MED15: variants seen among roughly 807,000 people sequenced by gnomAD.
MED15 encodes the protein mediator of RNA polymerase II transcription subunit 15.
MED15 carries 41 observed loss-of-function variants against 118.7 expected under a neutral mutation model. The ratio of observed to expected loss-of-function variants is 0.35; its 90% CI spans 0.27 to 0.45. The LOEUF (loss-of-function observed/expected upper bound fraction) is 0.45. Ranked by LOEUF, MED15 falls within the 20% of genes least tolerant of loss-of-function variation. MED15 has a pLI of 1.00. For missense variants in MED15, 740 were observed against 1,025.5 expected (o/e 0.72, Z 3.80); for synonymous variants, 436 against 413.9 (o/e 1.05, Z -0.65).
intron 6 of MED15, among the ~76,000 whole-genome samples, chr22:20,564,905 C>T (rs1387933863): frequency 6.6e-6 from 1 of 152,166 alleles, no homozygotes; most frequent in Non-Finnish European, 1.5e-5. Context: ...CCAAGGCAGG[C>T]GGATCATCAG....
chr22:20,518,912 G>A (rs1200891258), intron 1 of MED15: 1 of 452,130 alleles, frequency 2.2e-6, no homozygotes, highest in Non-Finnish European at 4.4e-6. Context: ...AAGTGCAGTG[G>A]CGTGATTGTG....
intron 14 of MED15, 67 bp downstream of exon 14, chr22:20,584,492 G>C (rs2057076987): frequency 6.4e-7 from 1 of 1,550,536 alleles, no homozygotes; most frequent in Admixed American, 1.7e-5. Flanking sequence ...GAGTGCTGCT[G>C]AGAGGGCCTT....
intron 5 of MED15, among the ~76,000 whole-genome samples, chr22:20,562,845 C>T (rs1357530374): frequency 6.6e-6 from 1 of 152,004 alleles, no homozygotes; most frequent in East Asian, 1.9e-4. Context: ...TGAGATCAGC[C>T]TGGGCAACAA....
In MED15 at chr22:20,583,246, A is replaced by T; in HGVS notation, c.1671A>T (p.Glu557Asp). The T allele has an allele frequency of 6.2e-7, 1 of 1,611,688 alleles. No individual in the cohort carries two copies. The highest frequency in any genetic ancestry group is 8.5e-7 in the Non-Finnish European group (1 of 1,178,416). ...RRMINKIDKNEDRKKDLSKMK... is the reference protein window; with the variant it reads ...RRMINKIDKNDDRKKDLSKMK... Reference sequence around the variant, plus strand: ...TGATCAACAAGATCGACAAGAACGAAGGTAGGCTGCAGCCAGGGCAGGGGC... The same window carrying T: ...TGATCAACAAGATCGACAAGAACGATGGTAGGCTGCAGCCAGGGCAGGGGC... The change falls in exon 12 of 18, where the codon GAA (glutamate) becomes GAT (aspartate). Residue 557 changes from glutamate (E) to aspartate (D), a missense_variant and splice_region_variant. Physicochemically the swap from Glu to Asp is conservative, Grantham distance 45 (BLOSUM62 2). Transcript: ENST00000263205.
At chr22:20,560,137 A>G (rs2056176194) in intron 5 of MED15, among the ~76,000 whole-genome samples, 1 of 152,198 alleles carries the variant, frequency 6.6e-6, no homozygotes, top group Non-Finnish European at 1.5e-5. Flanking sequence ...CATCTGGGTC[A>G]AGTGTCAGTA....
In MED15 at chr22:20,575,109, A is replaced by T. The variant is rs1270731117; in HGVS notation, c.1153-4A>T. The T allele has an allele frequency of 6.2e-7, 1 of 1,613,696 alleles. No individual in the cohort carries two copies. The highest frequency in any genetic ancestry group is 1.3e-5 in the African/African-American group (1 of 74,950). On this transcript the variant is annotated splice_region_variant and splice_polypyrimidine_tract_variant and intron_variant, in intron 8 of 17. Transcript: ENST00000263205. ...CCTTGTCTGTTGTCCCTCTGTCCTC[A>T]AAGATGATCACGGAAGCCTTGGCCC...
At chr22:20,511,855 T>C (rs2054075857) in intron 1 of MED15, among the ~76,000 whole-genome samples, 3 of 152,106 alleles carry the variant, frequency 2.0e-5, no homozygotes, top group Non-Finnish European at 2.9e-5. Flanking sequence ...TCAGTGACTT[T>C]TCTTAGCATT....
At chr22:20,523,209 G>C (rs1182175320) in intron 1 of MED15, among the ~76,000 whole-genome samples, 1 of 152,086 alleles carries the variant, frequency 6.6e-6, no homozygotes, top group Non-Finnish European at 1.5e-5. Context: ...TCAGTTTTGA[G>C]TTATAGGTTT....
intron 3 of MED15, among the ~76,000 whole-genome samples, chr22:20,552,248 G>A (rs1470015649): frequency 6.6e-6 from 1 of 152,224 alleles, no homozygotes; most frequent in Admixed American, 6.5e-5. Context: ...ACACAGGCCT[G>A]TCGTTGGAGC....
Position 20,582,610 on chromosome 22 carries a change from G to C in MED15, c.1273-1G>C. The C allele has an allele frequency of 6.5e-7, 1 of 1,548,960 alleles. No homozygotes were observed. Among genetic ancestry groups the C allele is most frequent in the Non-Finnish European group, 8.7e-7 (1 of 1,153,198 alleles). ...CGCCGGCTGAGCCCCTCCACTTCCA[G>C]GTCAGCCAGAGCAGCCTCCCCATGC... On this transcript the variant is annotated splice_acceptor_variant, in intron 9 of 17. Coordinates refer to ENST00000263205, the MANE Select transcript of MED15 (RefSeq NM_001003891.3). LOFTEE classifies it high-confidence loss of function.
chr22:20,543,868 C>G (rs770263020), intron 2 of MED15, among the ~76,000 whole-genome samples: 1 of 152,122 alleles, frequency 6.6e-6, no homozygotes, highest in Non-Finnish European at 1.5e-5. Context: ...CAAGCTGAGT[C>G]TTGAATGCTT....
chr22:20,531,008 A>G lies in MED15; in HGVS notation c.69-6109A>G, dbSNP rs568983265. On this transcript the variant is annotated intron_variant, in intron 1 of 17. Coordinates refer to ENST00000263205, the MANE Select transcript of MED15 (RefSeq NM_001003891.3). Reference sequence around the variant, plus strand: ...TCCTGTATGTCCAGTGCCTTATAATATTAACTACTATCATCCTCAGGGCTA... The same window carrying G: ...TCCTGTATGTCCAGTGCCTTATAATGTTAACTACTATCATCCTCAGGGCTA... Among the ~76,000 whole-genome samples, 36 of 152,256 alleles carry G rather than the reference A, an allele frequency of 2.4e-4. No individual in the cohort carries two copies. In the South Asian group the frequency reaches 7.5e-3, roughly 32 times the overall value.
At chr22:20,561,640 T>C (rs2056246209) in intron 5 of MED15, among the ~76,000 whole-genome samples, 1 of 151,988 alleles carries the variant, frequency 6.6e-6, no homozygotes, top group Admixed American at 6.6e-5. Context: ...TGAGAACAAA[T>C]GGAAATGAAA....
intron 5 of MED15, among the ~76,000 whole-genome samples, chr22:20,563,322 A>G (rs2056314407): frequency 6.6e-6 from 1 of 152,210 alleles, no homozygotes; most frequent in Non-Finnish European, 1.5e-5. Flanking sequence ...ACGGTTAAAC[A>G]CACTGTGAGG....
At chr22:20,542,666 T>G (rs1188763693) in intron 2 of MED15, among the ~76,000 whole-genome samples, 3 of 152,224 alleles carry the variant, frequency 2.0e-5, no homozygotes, top group African/African-American at 7.2e-5. Context: ...CTGCGTAGTT[T>G]TATCAGCCTA....
At position 20,584,307 on chromosome 22, in the gene MED15, T is replaced by C; in HGVS notation, c.1737-52T>C. On this transcript the variant is annotated intron_variant, in intron 13 of 17. Coordinates refer to ENST00000263205, the MANE Select transcript of MED15 (RefSeq NM_001003891.3). ...GTGGCAGTAGTTGGGATCCTGAGCC[T>C]GAGAACTGCCATGTCTTCCACTCTT... is the stretch of plus-strand genomic sequence containing the variant. 5.1e-6 allele frequency: 8 copies of C among 1,582,944 alleles called. No individual in the cohort carries two copies. The South Asian group carries it at 7.7e-5, about 15-fold the overall frequency.
At chr22:20,585,923 C>T (rs118130426) in intron 17 of MED15, 97 bp downstream of exon 17, 24,464 of 1,086,058 alleles carry the variant, frequency 0.023, 391 homozygotes, top group Middle Eastern at 0.054. Context: ...CCTCTGTGTG[C>T]TCCTGCCCCT....
At position 20,582,998 on chromosome 22, in the gene MED15, C is replaced by T. The variant is rs370277588; in HGVS notation, c.1537+31C>T. 7 of 1,602,092 alleles carry T rather than the reference C, an allele frequency of 4.4e-6. No homozygotes were observed. The African/African-American group carries it at 6.7e-5, about 15-fold the overall frequency. ...TTGGGCCTGAGGTGCTAAGGTCACT[C>T]CTCACCTTTATGAGGCCTCAGCTCA... is the stretch of plus-strand genomic sequence containing the variant. On this transcript the variant is annotated intron_variant, in intron 11 of 17. Coordinates refer to ENST00000263205, the MANE Select transcript of MED15 (RefSeq NM_001003891.3).
intron 5 of MED15, among the ~76,000 whole-genome samples, chr22:20,561,965 T>A (rs1217849970): frequency 6.6e-6 from 1 of 152,216 alleles, no homozygotes; most frequent in African/African-American, 2.4e-5. Context: ...CATTCCAGCC[T>A]GGGCTGCAGT....
Sources: gnomAD v4.1 joint callset for allele counts (sites outside exome capture counted in the v4.1 genomes callset) on GRCh38, gnomAD v4.1.1 for gene constraint, MANE v1.5 for transcripts, NCBI Gene and HGNC (gene_info 2026-07-23, HGNC 2026-07-21) for gene names.